Variants in RBFOX1 observed in about 807,000 individuals in gnomAD.
The protein encoded by RBFOX1 is RNA binding protein fox-1 homolog 1.
A neutral mutation model predicts 57.7 loss-of-function variants in RBFOX1; 8 were observed. The observed-to-expected ratio is 0.14, with a 90% confidence interval of 0.08 to 0.25. RBFOX1 has a LOEUF of 0.25. RBFOX1 is among the 10% of genes least tolerant of loss of function. RBFOX1 has a pLI of 1.00. For synonymous variants in RBFOX1, 326 were observed against 222.4 expected (o/e 1.47, Z -4.15); for missense variants, 611 against 548.5 (o/e 1.11, Z -1.14).
At chr16:7,292,363 G>C (rs908477182) in intron 4 of RBFOX1, among the ~76,000 whole-genome samples, 3 of 135,084 alleles carry the variant, frequency 2.2e-5, no homozygotes, top group African/African-American at 5.5e-5. Context: ...AATGTATTAT[G>C]TTATATATCA....
chr16:6,929,129 C>G (rs1390992177), intron 3 of RBFOX1, among the ~76,000 whole-genome samples: 1 of 152,148 alleles, frequency 6.6e-6, no homozygotes, highest in Non-Finnish European at 1.5e-5. Flanking sequence ...CTCTTCAATA[C>G]TTTATTAAAC....
chr16:7,509,927 A>C (rs189464229), intron 4 of RBFOX1, among the ~76,000 whole-genome samples: 2 of 151,330 alleles, frequency 1.3e-5, no homozygotes, highest in East Asian at 3.9e-4. Flanking sequence ...TCGCATTTCT[A>C]ATGTTTTTTA....
chr16:6,249,861 G>T (rs1057063100), intron 1 of RBFOX1, among the ~76,000 whole-genome samples: 1 of 151,084 alleles, frequency 6.6e-6, no homozygotes, highest in South Asian at 2.1e-4. Flanking sequence ...TGCCATGTTG[G>T]TGTGCTGCAC....
intron 1 of RBFOX1, among the ~76,000 whole-genome samples, chr16:5,333,609 A>G (rs549718052): frequency 6.6e-6 from 1 of 152,322 alleles, no homozygotes; most frequent in East Asian, 1.9e-4. Flanking sequence ...GCTTCAGTGT[A>G]CTGTCATATG....
At chr16:6,982,993 T>TGA (rs1318602686) in intron 3 of RBFOX1, among the ~76,000 whole-genome samples, 1 of 79,334 alleles carries the variant, frequency 1.3e-5, no homozygotes, top group Non-Finnish European at 2.4e-5. Flanking sequence ...AGACTCTGTC[T>TGA]AAAAAAAAAA....
At chr16:6,596,245 G>T (rs542574078) in intron 2 of RBFOX1, among the ~76,000 whole-genome samples, 14 of 152,122 alleles carry the variant, frequency 9.2e-5, no homozygotes, top group Non-Finnish European at 7.4e-5. Flanking sequence ...TATAGTATTA[G>T]CTCTAACATT....
intron 3 of RBFOX1, among the ~76,000 whole-genome samples, chr16:5,621,255 G>T (rs996421300): frequency 6.6e-6 from 1 of 152,192 alleles, no homozygotes; most frequent in Non-Finnish European, 1.5e-5. Flanking sequence ...GGGATAACAG[G>T]CATGAGCCAC....
At chr16:5,641,423 T>G (rs1177521558) in intron 3 of RBFOX1, among the ~76,000 whole-genome samples, 2 of 152,166 alleles carry the variant, frequency 1.3e-5, no homozygotes, top group African/African-American at 4.8e-5. Context: ...TACAAACAAC[T>G]GCAAAGCAGG....
At chr16:7,227,060 C>T (rs2093169875) in intron 4 of RBFOX1, among the ~76,000 whole-genome samples, 1 of 152,064 alleles carries the variant, frequency 6.6e-6, no homozygotes, top group Non-Finnish European at 1.5e-5. Flanking sequence ...CTTCATTTCC[C>T]CCAGCATTCT....
chr16:7,547,748 G>T (rs1040442995), intron 5 of RBFOX1, among the ~76,000 whole-genome samples: 1 of 152,218 alleles, frequency 6.6e-6, no homozygotes, highest in Non-Finnish European at 1.5e-5. Flanking sequence ...ATTTTTGCAG[G>T]TGGAAACAGT....
intron 2 of RBFOX1, among the ~76,000 whole-genome samples, chr16:6,393,240 ACT>A (rs1337352306): frequency 1.3e-5 from 2 of 152,170 alleles, no homozygotes; most frequent in Admixed American, 1.3e-4. Context: ...AAATTAAATG[ACT>A]CTGAGCATCC....
intron 2 of RBFOX1, among the ~76,000 whole-genome samples, chr16:6,614,303 A>T (rs1334974721): frequency 2.0e-5 from 3 of 152,182 alleles, no homozygotes; most frequent in Non-Finnish European, 4.4e-5. Context: ...CTTACACTGG[A>T]TGGACTTCCT....
chr16:5,649,573 G>A (rs1280296876), intron 3 of RBFOX1, among the ~76,000 whole-genome samples: 1 of 152,188 alleles, frequency 6.6e-6, no homozygotes, highest in Non-Finnish European at 1.5e-5. Flanking sequence ...TCATAGCTAA[G>A]CTCATCCCAT....
Position 5,315,422 on chromosome 16 carries a change from G to A in RBFOX1, c.219+75317G>A, listed in dbSNP as rs538972370. Among the ~76,000 whole-genome samples the A allele has an allele frequency of 2.0e-3, 306 of 152,274 alleles. 1 individual carries two copies. Among genetic ancestry groups the A allele is most frequent in the Non-Finnish European group, 3.8e-3 (260 of 68,034 alleles). Reference sequence around the variant, plus strand: ...AGGATCTAAATCAACAGTGAAAAAGGGTACTGCTGTGATTTTACTCAGTTC... The same window carrying A: ...AGGATCTAAATCAACAGTGAAAAAGAGTACTGCTGTGATTTTACTCAGTTC... On this transcript the variant is annotated intron_variant, in intron 1 of 2. Coordinates refer to the RBFOX1 transcript ENST00000585867.
rs1051962580 is a variant in RBFOX1 at position 5,666,183 on chromosome 16, G to T, written c.318+67222G>T. Among the ~76,000 whole-genome samples the T allele has an allele frequency of 3.3e-5, 5 of 152,366 alleles. No homozygotes were observed. In the South Asian group the frequency reaches 1.0e-3, roughly 32 times the overall value. ...CACATCCATCATGGATACGGAGGCA[G>T]CTGGGAAGGAAAGGGAGGGCAGTTC... On this transcript the variant is annotated intron_variant, in intron 3 of 19. Transcript: ENST00000641259.
chr16:6,058,791 A>C (rs1268957937), intron 1 of RBFOX1, among the ~76,000 whole-genome samples: 1 of 150,530 alleles, frequency 6.6e-6, no homozygotes, highest in Non-Finnish European at 1.5e-5. Flanking sequence ...CCACCAACTA[A>C]TTATTTACCC....
At chr16:6,104,589 C>T in intron 1 of RBFOX1, among the ~76,000 whole-genome samples, 1 of 152,166 alleles carries the variant, frequency 6.6e-6, no homozygotes, top group East Asian at 1.9e-4. Context: ...ACCCTCAGCC[C>T]CAGGCAACCA....
At chr16:5,915,008 C>G (rs7202510) in intron 4 of RBFOX1, among the ~76,000 whole-genome samples, 73,782 of 151,918 alleles carry the variant, frequency 0.49, 18,909 homozygotes, top group African/African-American at 0.65. Context: ...CACTTTTGCT[C>G]TATGGTGTTG....
intron 4 of RBFOX1, among the ~76,000 whole-genome samples, chr16:5,991,651 T>C (rs879251734): frequency 0.017 from 2,468 of 148,988 alleles, 60 homozygotes; most frequent in African/African-American, 0.047. Flanking sequence ...GATAGTTTTT[T>C]TTTTTTTTTT....
Sources: gnomAD v4.1 joint callset for allele counts (sites outside exome capture counted in the v4.1 genomes callset) on GRCh38, gnomAD v4.1.1 for gene constraint, MANE v1.5 for transcripts, NCBI Gene and HGNC (gene_info 2026-07-23, HGNC 2026-07-21) for gene names.